Variants in SMG1 observed in about 807,000 individuals in gnomAD.
SMG1 encodes the protein SMG1 nonsense mediated mRNA decay associated PI3K related kinase.
Under a neutral mutation model 419.9 loss-of-function variants are expected in SMG1, and 22 were observed. The ratio of observed to expected loss-of-function variants is 0.05; its 90% CI spans 0.04 to 0.07. SMG1 has a LOEUF of 0.07. Ranked by LOEUF, SMG1 falls within the 10% of genes least tolerant of loss-of-function variation. The pLI is 1.00. For missense variants in SMG1, 3,185 were observed against 4,342.0 expected (o/e 0.73, Z 7.49); for synonymous variants, 1,538 against 1,553.5 (o/e 0.99, Z 0.23).
At chr16:18,909,204 T>G (rs1322373431) in intron 1 of SMG1, among the ~76,000 whole-genome samples, 1 of 151,568 alleles carries the variant, frequency 6.6e-6, no homozygotes, top group Non-Finnish European at 1.5e-5. Context: ...TAGCCAGGTG[T>G]GGTGGTGCAT....
At chr16:18,907,835 G>A (rs1238350291) in intron 1 of SMG1, among the ~76,000 whole-genome samples, 10 of 92,152 alleles carry the variant, frequency 1.1e-4, no homozygotes, top group East Asian at 1.1e-3. Context: ...CTAGGCGACA[G>A]AACGAGACTC....
chr16:18,807,289 A>G lies in SMG1; in HGVS notation c.*2280T>C, dbSNP rs2030926288. On this transcript the variant is annotated 3_prime_UTR_variant, in exon 63 of 63. Coordinates refer to ENST00000446231, the MANE Select transcript of SMG1 (RefSeq NM_015092.5). ...ATAAAAGTTTTTCCTTATGATGACA[A>G]TAAAGAATGTTGCTGAAAGACTTTA... The G allele has an allele frequency of 6.6e-6, 1 of 152,242 alleles. No individual in the cohort carries two copies. The highest frequency in any genetic ancestry group is 2.4e-5 in the African/African-American group (1 of 41,460). The allele number at this position is 152,242 out of a possible 1,614,324, so 9.4% of individuals were successfully genotyped here.
At position 18,817,438 on chromosome 16, in the gene SMG1, A is replaced by G; in HGVS notation, c.9927T>C (p.Phe3309=). Residue 3309 remains phenylalanine (F), a synonymous_variant, in exon 57 of 63, where the codon TTT becomes TTC. Transcript: ENST00000446231. ...CTGCAGTTCTTGTTCGTAAACTTTC[A>G]AAATGAATGATATTGCTGCAGAGAA... ...VTFLCSNIIH[F]ESLRTRTAEA... is the part of the protein sequence containing the mutation. 1 of 1,587,448 alleles carries G rather than the reference A, an allele frequency of 6.3e-7. No individual in the cohort carries two copies. Among genetic ancestry groups the G allele is most frequent in the Non-Finnish European group, 8.6e-7 (1 of 1,165,582 alleles).
intron 36 of SMG1, 129 bp downstream of exon 36, chr16:18,849,069 CAAAAAAAAAAAAAAAAAAA>C (rs58373081): frequency 0.013 from 1,504 of 113,744 alleles, 13 homozygotes; most frequent in South Asian, 0.024. Context: ...GACTCCATCT[CAAAAAAAAAAAAAAAAAAA>C]AAAAAAAAAA....
intron 1 of SMG1, among the ~76,000 whole-genome samples, chr16:18,918,568 T>C (rs1567465416): frequency 6.6e-6 from 1 of 152,162 alleles, no homozygotes; most frequent in Non-Finnish European, 1.5e-5. Context: ...TTTTTGTTTT[T>C]GAGACAGTCT....
At chr16:18,908,573 T>C (rs1397453770) in intron 1 of SMG1, among the ~76,000 whole-genome samples, 1 of 150,928 alleles carries the variant, frequency 6.6e-6, no homozygotes, top group African/African-American at 2.4e-5. Context: ...GGTGAAGTGA[T>C]GTTTACCAAT....
chr16:18,850,937 T>C (rs2034556255), intron 33 of SMG1, among the ~76,000 whole-genome samples: 1 of 152,132 alleles, frequency 6.6e-6, no homozygotes, highest in Non-Finnish European at 1.5e-5. Context: ...GTGTTTTTAG[T>C]AGAGACAAGG....
At position 18,816,381 on chromosome 16, in the gene SMG1, A is replaced by G. The variant is rs1297664760; in HGVS notation, c.10223T>C (p.Val3408Ala). The change falls in exon 58 of 63, where the codon GTT becomes GCT. Residue 3408 changes from valine (V) to alanine (A), a missense_variant. Physicochemically the swap from Val to Ala is moderately conservative, Grantham distance 64. This residue lies in a region of SMG1 where 737 missense variants were observed against 846.6 expected (regional missense o/e 0.87). Coordinates refer to ENST00000446231, the MANE Select transcript of SMG1 (RefSeq NM_015092.5). ...AGTGAGCACAGTCTTTATATTATCA[A>G]CCAGATTCTGAATTGTTTCACAGAC... Reference protein sequence around the residue: ...ETVCETIQNLVDNIKTVLTGH... With the variant: ...ETVCETIQNLADNIKTVLTGH... 15 of 1,613,938 alleles carry G rather than the reference A, an allele frequency of 9.3e-6. No individual in the cohort carries two copies. Among genetic ancestry groups the G allele is most frequent in the Non-Finnish European group, 1.3e-5 (15 of 1,179,874 alleles).
chr16:18,869,642 T>C (rs2035705828), intron 19 of SMG1, among the ~76,000 whole-genome samples: 1 of 152,114 alleles, frequency 6.6e-6, no homozygotes, highest in South Asian at 2.1e-4. Flanking sequence ...TAACCACATT[T>C]CATTACTCAA....
Position 18,816,345 on chromosome 16 carries a change from C to T in SMG1, c.10259G>A (p.Arg3420Gln), listed in dbSNP as rs1283180053. 4.3e-6 allele frequency: 7 copies of T among 1,613,764 alleles called. No homozygotes were observed. Among genetic ancestry groups the T allele is most frequent in the Non-Finnish European group, 5.9e-6 (7 of 1,179,870 alleles). ...NIKTVLTGHN[R>Q]QLGDVKHLLK... Reference sequence around the variant, plus strand: ...GAGATGTTTGACATCTCCAAGCTGTCGGTTATGACCAGTGAGCACAGTCTT... The same window carrying T: ...GAGATGTTTGACATCTCCAAGCTGTTGGTTATGACCAGTGAGCACAGTCTT... Residue 3420 changes from arginine (R) to glutamine (Q), a missense_variant, in exon 58 of 63, where the codon CGA becomes CAA. Physicochemically the swap from Arg to Gln is conservative, Grantham distance 43. This residue lies in a region of SMG1 where 737 missense variants were observed against 846.6 expected (regional missense o/e 0.87). Coordinates refer to ENST00000446231, the MANE Select transcript of SMG1 (RefSeq NM_015092.5).
chr16:18,811,850 A>C lies in SMG1; in HGVS notation c.10819T>G (p.Ser3607Ala). The C allele has an allele frequency of 6.2e-7, 1 of 1,613,980 alleles. No homozygotes were observed. The highest frequency in any genetic ancestry group is 8.5e-7 in the Non-Finnish European group (1 of 1,179,882). Residue 3607 changes from serine (S) to alanine (A), a missense_variant, in exon 62 of 63, where the codon TCC becomes GCC. This residue lies in a region of SMG1 where 41 missense variants were observed against 78.7 expected (regional missense o/e 0.52). Coordinates refer to ENST00000446231, the MANE Select transcript of SMG1 (RefSeq NM_015092.5). ...CTCTTCCACACACTCACTGCATAGG[A>C]GTTTCTCTCTTGCACCGCTATGAAG... ...KTGKAVQERN[S>A]YAVSVWKRVK... is the part of the protein sequence containing the mutation.
Position 18,854,685 on chromosome 16 carries a change from A to T in SMG1, c.4454T>A (p.Ile1485Asn). ...TGTATAAAGCAATTTGGTTTTTTCA[A>T]TATCAAGTTCGGGCCCCCATTTTTC... is the stretch of plus-strand genomic sequence containing the variant. The part of the protein sequence containing the change: ...VDEKWGPELD[I>N]EKTKLLYTAG... Residue 1485 changes from isoleucine to asparagine, a missense_variant, in exon 30 of 63, where the codon ATT becomes AAT. Transcript: ENST00000446231. 1 of 1,613,572 alleles carries T rather than the reference A, an allele frequency of 6.2e-7. No homozygotes were observed. Among genetic ancestry groups the T allele is most frequent in the Non-Finnish European group, 8.5e-7 (1 of 1,179,800 alleles).
rs756261490 is a variant in SMG1, at chr16:18,849,265, G to A, written c.5575C>T (p.Pro1859Ser). ...AGCGATATGGTACCCACTATTGCAG[G>A]ATACAATATGAGATGTGGGGAATCT... ...AQDSPHLILY[P>S]AIVGTISLSS... The change falls in exon 36 of 63, where the codon CCT becomes TCT. Residue 1859 changes from proline to serine, a missense_variant. Physicochemically the swap from Pro to Ser is moderately conservative, Grantham distance 74. Around this residue, in one of 27 missense-constraint regions of SMG1, gnomAD observed 130 missense variants for 162.0 expected, o/e 0.80. Transcript: ENST00000446231. 1.2e-6 allele frequency: 2 copies of A among 1,613,272 alleles called. No individual in the cohort carries two copies. Among genetic ancestry groups the A allele is most frequent in the South Asian group, 2.2e-5 (2 of 91,056 alleles).
Position 18,882,184 on chromosome 16 carries a change from G to C in SMG1, c.1274C>G (p.Thr425Ser). 6.3e-7 allele frequency: 1 copy of C among 1,582,026 alleles called. No homozygotes were observed. Among genetic ancestry groups the C allele is most frequent in the Middle Eastern group, 2.3e-4 (1 of 4,342 alleles). The part of the protein sequence containing the change: ...RFSPIRGPPI[T>S]EAYVTDVLYR... ...ACTTACATCTGTTACATATGCCTCA[G>C]TAATTGGAGGACCCCGAATTGGGCT... The change falls in exon 10 of 63, where the codon ACT becomes AGT. Residue 425 changes from threonine (T) to serine (S), a missense_variant. By Grantham distance (58) the Thr-to-Ser change is moderately conservative. Coordinates refer to ENST00000446231, the MANE Select transcript of SMG1 (RefSeq NM_015092.5).
Position 18,830,012 on chromosome 16 carries a change from A to G in SMG1, c.9047T>C (p.Val3016Ala). The part of the protein sequence containing the change: ...NFFDDDNHRQ[V>A]LEEIFFLKRL... ...TTTTAGAAAGAAAATCTCTTCTAGC[A>G]CCTGCCGGTGATTATCATCATCAAA... Residue 3016 changes from valine (V) to alanine (A), a missense_variant, in exon 53 of 63, where the codon GTG becomes GCG. By Grantham distance (64) the Val-to-Ala change is moderately conservative. Transcript: ENST00000446231. 1 of 1,593,960 alleles carries G rather than the reference A, an allele frequency of 6.3e-7. No homozygotes were observed. The highest frequency in any genetic ancestry group is 8.6e-7 in the Non-Finnish European group (1 of 1,169,084).
intron 1 of SMG1, among the ~76,000 whole-genome samples, chr16:18,903,091 T>C (rs938414629): frequency 1.7e-4 from 26 of 152,114 alleles, no homozygotes; most frequent in African/African-American, 5.1e-4. Flanking sequence ...TCCGAAAGGG[T>C]TGGGATTACA....
At chr16:18,852,042 G>C in intron 33 of SMG1, 25 bp downstream of exon 33, 2 of 1,581,660 alleles carry the variant, frequency 1.3e-6, no homozygotes, top group Non-Finnish European at 8.6e-7. Context: ...TAGCAATCTT[G>C]CCCCAAGCAC....
chr16:18,831,142 A>G (rs937453401), intron 51 of SMG1, among the ~76,000 whole-genome samples: 23 of 152,178 alleles, frequency 1.5e-4, no homozygotes, highest in African/African-American at 5.3e-4. Flanking sequence ...CACCCCTCAC[A>G]TTACCATTAA....
chr16:18,815,501 G>T lies in SMG1; in HGVS notation c.10453C>A (p.His3485Asn), dbSNP rs1266405595. The T allele has an allele frequency of 2.5e-6, 4 of 1,613,814 alleles. No individual in the cohort carries two copies. The African/African-American group carries it at 5.3e-5, about 22-fold the overall frequency. ...GTGATTTCCTGGAGCATTTCAACGTGTTCTTGACTTCGAACCTGACCCATA... is the reference window on the plus strand; with the variant it reads ...GTGATTTCCTGGAGCATTTCAACGTTTTCTTGACTTCGAACCTGACCCATA... ...QAMGQVRSQEHVEMLQEITPT... is the reference protein window; with the variant it reads ...QAMGQVRSQENVEMLQEITPT... Residue 3485 changes from histidine to asparagine, a missense_variant, in exon 59 of 63, where the codon CAC (histidine) becomes AAC (asparagine). Transcript: ENST00000446231.
Sources: gnomAD v4.1 joint callset for allele counts (sites outside exome capture counted in the v4.1 genomes callset) on GRCh38, gnomAD v4.1.1 for gene constraint, gnomAD v4.1.1 regional missense constraint, MANE v1.5 for transcripts, NCBI Gene and HGNC (gene_info 2026-07-23, HGNC 2026-07-21) for gene names.